Variants in KIAA1549 observed in about 807,000 individuals in gnomAD.
The protein encoded by KIAA1549 is KIAA1549.
KIAA1549 carries 70 observed loss-of-function variants against 156.4 expected under a neutral mutation model. That is an observed-to-expected ratio of 0.45 (90% CI 0.37 to 0.55). The LOEUF is 0.55. Ranked by LOEUF, KIAA1549 falls within the 20% of genes least tolerant of loss-of-function variation. KIAA1549 has a pLI of 0.00. For synonymous variants in KIAA1549, 1,103 were observed against 1,066.4 expected (o/e 1.03, Z -0.67); for missense variants, 2,428 against 2,540.9 (o/e 0.96, Z 0.96).
At chr7:138,839,744 C>CG (rs1160236143) in intron 19 of KIAA1549, among the ~76,000 whole-genome samples, 1 of 148,730 alleles carries the variant, frequency 6.7e-6, no homozygotes, top group African/African-American at 2.4e-5. Flanking sequence ...GGGACCCCCC[C>CG]CAAAGCAGAA....
intron 1 of KIAA1549, among the ~76,000 whole-genome samples, chr7:138,977,913 T>C (rs1157628191): frequency 6.6e-6 from 1 of 152,192 alleles, no homozygotes; most frequent in East Asian, 1.9e-4. Flanking sequence ...TTGGCCAGGA[T>C]GGTCTCAAAC....
rs1218121780 is a variant in KIAA1549, at chr7:138,838,057, C to A, written c.5702G>T (p.Arg1901Leu). 1.9e-6 allele frequency: 3 copies of A among 1,598,008 alleles called. No individual in the cohort carries two copies. The highest frequency in any genetic ancestry group is 2.6e-6 in the Non-Finnish European group (3 of 1,172,738). ...PSAPSGNLPH[R>L]GLQGPGLGYP... Reference sequence around the variant, plus strand: ...ACCCAGCCCAGGGCCCTGCAGTCCCCGGTGGGGGAGGTTCCCGGAAGGAGC... The same window carrying A: ...ACCCAGCCCAGGGCCCTGCAGTCCCAGGTGGGGGAGGTTCCCGGAAGGAGC... The change falls in exon 20 of 20, where the codon CGG becomes CTG. Residue 1901 changes from arginine to leucine, a missense_variant. Arg to Leu is a moderately radical substitution (Grantham distance 102, BLOSUM62 -2). Around this residue, in one of 5 missense-constraint regions of KIAA1549, gnomAD observed 363 missense variants for 354.0 expected, o/e 1.03. Transcript: ENST00000422774.
chr7:138,959,230 G>A (rs1481348804), intron 1 of KIAA1549, among the ~76,000 whole-genome samples: 1 of 152,118 alleles, frequency 6.6e-6, no homozygotes, highest in African/African-American at 2.4e-5. Flanking sequence ...CCAAAAATCT[G>A]CTATACATTA....
intron 10 of KIAA1549, among the ~76,000 whole-genome samples, chr7:138,883,137 G>C (rs1811295198): frequency 6.9e-6 from 1 of 144,248 alleles, no homozygotes; most frequent in Non-Finnish European, 1.5e-5. Context: ...ACATGGTATG[G>C]TGGTGCACAC....
chr7:138,909,511 C>T (rs1426952396), intron 4 of KIAA1549, among the ~76,000 whole-genome samples: 1 of 152,146 alleles, frequency 6.6e-6, no homozygotes, highest in Admixed American at 6.5e-5. Flanking sequence ...AAAACGTTCA[C>T]AGGGGATAGA....
intron 1 of KIAA1549, among the ~76,000 whole-genome samples, chr7:138,966,666 T>A (rs1180217207): frequency 6.6e-6 from 1 of 151,908 alleles, no homozygotes; most frequent in Non-Finnish European, 1.5e-5. Context: ...TCACCCAGAT[T>A]AAGGGTGGGT....
chr7:138,898,414 C>A (rs1026891092), intron 9 of KIAA1549, among the ~76,000 whole-genome samples: 1 of 151,476 alleles, frequency 6.6e-6, no homozygotes, highest in African/African-American at 2.4e-5. Context: ...AATAAAGAAA[C>A]TTCAAAATAC....
chr7:138,962,541 T>C (rs920246425), intron 1 of KIAA1549, among the ~76,000 whole-genome samples: 11 of 152,128 alleles, frequency 7.2e-5, no homozygotes, highest in African/African-American at 2.7e-4. Context: ...AGCGGCCCCA[T>C]ATGAAGTCCT....
At chr7:138,882,099 A>G (rs541965247) in intron 10 of KIAA1549, among the ~76,000 whole-genome samples, 13 of 152,362 alleles carry the variant, frequency 8.5e-5, no homozygotes, top group African/African-American at 3.1e-4. Flanking sequence ...CAGCTTCTGG[A>G]GCTGGCCCTC....
chr7:138,886,908 T>C (rs1811407632), intron 10 of KIAA1549, among the ~76,000 whole-genome samples: 1 of 152,114 alleles, frequency 6.6e-6, no homozygotes, highest in Non-Finnish European at 1.5e-5. Flanking sequence ...GTATTTATTA[T>C]GATTTTTTTT....
At chr7:138,957,553 C>T (rs1563093445) in intron 1 of KIAA1549, among the ~76,000 whole-genome samples, 2 of 151,446 alleles carry the variant, frequency 1.3e-5, no homozygotes, top group Non-Finnish European at 2.9e-5. Flanking sequence ...TCTCAGCTCA[C>T]TGCAACCTCT....
At chr7:138,960,089 A>T (rs1279285674) in intron 1 of KIAA1549, among the ~76,000 whole-genome samples, 1 of 152,088 alleles carries the variant, frequency 6.6e-6, no homozygotes, top group African/African-American at 2.4e-5. Flanking sequence ...GAGAAACAGA[A>T]TTTGTGCCCT....
At position 138,881,824 on chromosome 7, in the gene KIAA1549, T is replaced by C. The variant is rs568851183; in HGVS notation, c.4033-240A>G. 9.8e-5 allele frequency among the ~76,000 whole-genome samples: 15 copies of C among 152,348 alleles called. No homozygotes were observed. The East Asian group carries it at 2.9e-3, about 29-fold the overall frequency. On this transcript the variant is annotated intron_variant, in intron 10 of 19. Transcript: ENST00000422774. ...AATAGCTAGACCCTAGGACAACACC[T>C]GACCTGCTATCACAGCAGCATACCA...
intron 16 of KIAA1549, among the ~76,000 whole-genome samples, chr7:138,860,199 A>C (rs1318573293): frequency 6.6e-6 from 1 of 152,164 alleles, no homozygotes; most frequent in East Asian, 1.9e-4. Flanking sequence ...CTATATTTTA[A>C]AATTAAAAAC....
intron 16 of KIAA1549, among the ~76,000 whole-genome samples, chr7:138,856,078 C>T (rs1468484960): frequency 6.6e-6 from 1 of 151,108 alleles, no homozygotes; most frequent in Non-Finnish European, 1.5e-5. Context: ...TCCACCCAGG[C>T]CGGACTGCAG....
intron 15 of KIAA1549, among the ~76,000 whole-genome samples, chr7:138,867,475 A>C (rs1810781153): frequency 6.6e-6 from 1 of 151,870 alleles, no homozygotes; most frequent in Admixed American, 6.6e-5. Context: ...AAATTACTTG[A>C]GCCCAGGAGG....
chr7:138,963,749 T>C (rs1813925701), intron 1 of KIAA1549, among the ~76,000 whole-genome samples: 1 of 152,164 alleles, frequency 6.6e-6, no homozygotes. Flanking sequence ...AAATAAGAAA[T>C]TGATTTTAAA....
intron 16 of KIAA1549, among the ~76,000 whole-genome samples, chr7:138,852,844 C>T (rs147926843): frequency 9.5e-4 from 145 of 152,356 alleles, no homozygotes; most frequent in African/African-American, 3.3e-3. Context: ...TGTTTCTGAC[C>T]GTTTACTGGT....
intron 3 of KIAA1549, 86 bp downstream of exon 3, chr7:138,912,286 G>A (rs897226506): frequency 1.1e-6 from 1 of 902,122 alleles, no homozygotes. Flanking sequence ...ATGATTCCAT[G>A]GCCATAATCA....
Sources: gnomAD v4.1 joint callset for allele counts (sites outside exome capture counted in the v4.1 genomes callset) on GRCh38, gnomAD v4.1.1 for gene constraint, gnomAD v4.1.1 regional missense constraint, MANE v1.5 for transcripts, NCBI Gene and HGNC (gene_info 2026-07-23, HGNC 2026-07-21) for gene names.